Variants in CMTM4 observed in about 807,000 individuals in gnomAD.
The protein encoded by CMTM4 is CKLF like MARVEL transmembrane domain containing 4, also known as CKLF-like MARVEL transmembrane domain-containing protein 4.
In CMTM4, 8 loss-of-function variants were observed where a neutral mutation model predicts 19.0. The ratio of observed to expected loss-of-function variants is 0.42; its 90% CI spans 0.25 to 0.76. The LOEUF (loss-of-function observed/expected upper bound fraction) is 0.76, where lower values mean the gene tolerates loss of function less well. CMTM4 is among the 30% of genes least tolerant of loss of function. The pLI, the probability that CMTM4 is intolerant of heterozygous loss-of-function variation, is 0.27. For synonymous variants in CMTM4, 106 were observed against 121.1 expected (o/e 0.88, Z 0.82); for missense variants, 228 against 290.2 (o/e 0.79, Z 1.56).
the CMTM4 span, among the ~76,000 whole-genome samples, chr16:66,600,151 T>TTTTTTTTTTTTTA: frequency 6.7e-6 from 1 of 148,596 alleles, no homozygotes; most frequent in Admixed American, 6.7e-5. Context: ...TTTTTGTTTT[T>TTTTTTTTTTTTTA]TTTTTTTTTG....
the CMTM4 span, chr16:66,608,357 G>T: frequency 6.2e-7 from 1 of 1,614,190 alleles, no homozygotes; most frequent in Non-Finnish European, 8.5e-7. The surrounding 1 kb of genome is among the most constrained non-coding windows in gnomAD (Gnocchi z 5.1). Flanking sequence ...CTCAGCATCT[G>T]CCTTCCTCAC....
At position 66,619,989 on chromosome 16, in the gene CMTM4, G is replaced by GC. The variant is rs1157861298; in HGVS notation, c.*2068dup. Reference sequence around the variant, plus strand: ...CATATCCTCAGGAGGCCAACCACCTGCCCCCCTCTTTCACCAGATGATCAA... The same window carrying GC: ...CATATCCTCAGGAGGCCAACCACCTGCCCCCCCTCTTTCACCAGATGATCAA... On this transcript the variant is annotated 3_prime_UTR_variant, in exon 4 of 4. Transcript: ENST00000394106. 5.1e-6 allele frequency: 5 copies of GC among 985,368 alleles called. No homozygotes were observed. Among genetic ancestry groups the GC allele is most frequent in the Non-Finnish European group, 6.0e-6 (5 of 829,918 alleles). The allele number at this position is 985,368 out of a possible 1,614,324, so 61.0% of individuals were successfully genotyped here. A position where few individuals can be genotyped will look rare whatever the true frequency, so the allele number is the denominator to read the frequency against.
chr16:66,683,181 G>A (rs9933454), intron 1 of CMTM4, among the ~76,000 whole-genome samples: 113,321 of 124,206 alleles, frequency 0.91, 51,451 homozygotes, highest in Non-Finnish European at 0.94. Flanking sequence ...ATATACATAT[G>A]TATATATATA....
chr16:66,678,152 G>A (rs1219819527), intron 1 of CMTM4, among the ~76,000 whole-genome samples: 3 of 152,074 alleles, frequency 2.0e-5, no homozygotes, highest in Non-Finnish European at 4.4e-5. Flanking sequence ...CTCTAGCTTG[G>A]GCAACACAGT....
chr16:66,677,145 A>C (rs1340516905), intron 1 of CMTM4, among the ~76,000 whole-genome samples: 2 of 152,236 alleles, frequency 1.3e-5, no homozygotes, highest in African/African-American at 4.8e-5. Flanking sequence ...CTGAGGGTCT[A>C]GGACCACTTG....
chr16:66,606,699 G>A, the CMTM4 span, among the ~76,000 whole-genome samples: 1 of 152,146 alleles, frequency 6.6e-6, no homozygotes, highest in East Asian at 1.9e-4. Flanking sequence ...AGTTGCTTAA[G>A]AACTCTACCT....
chr16:66,694,451 T>C (rs1021218549), intron 1 of CMTM4, among the ~76,000 whole-genome samples: 3 of 152,086 alleles, frequency 2.0e-5, no homozygotes, highest in Non-Finnish European at 4.4e-5. Context: ...GGCTCACGCT[T>C]GTAATCCCAG....
At chr16:66,638,190 T>C (rs560862167) in intron 1 of CMTM4, among the ~76,000 whole-genome samples, 3 of 152,316 alleles carry the variant, frequency 2.0e-5, no homozygotes, top group African/African-American at 7.2e-5. Flanking sequence ...TCTTGCAGCC[T>C]CTGCCTCCGG....
At chr16:66,643,404 C>A (rs919701636) in intron 1 of CMTM4, among the ~76,000 whole-genome samples, 2 of 152,164 alleles carry the variant, frequency 1.3e-5, no homozygotes, top group Non-Finnish European at 2.9e-5. Context: ...GGAACAGACC[C>A]CAAACTTCAT....
downstream of CMTM4, among the ~76,000 whole-genome samples, chr16:66,611,831 A>C (rs969145793): frequency 6.6e-6 from 1 of 152,192 alleles, no homozygotes; most frequent in Non-Finnish European, 1.5e-5. Context: ...TTACAATATT[A>C]AACAAGGATT....
chr16:66,603,260 T>C, the CMTM4 span, among the ~76,000 whole-genome samples: 1 of 152,098 alleles, frequency 6.6e-6, no homozygotes, highest in Non-Finnish European at 1.5e-5. Flanking sequence ...CTTTGTGTCC[T>C]TATGTGGTTG....
At chr16:66,690,765 T>G (rs1444203240) in intron 1 of CMTM4, among the ~76,000 whole-genome samples, 1 of 152,188 alleles carries the variant, frequency 6.6e-6, no homozygotes, top group African/African-American at 2.4e-5. Flanking sequence ...GAACCCAGAT[T>G]CGATGAGATT....
intron 1 of CMTM4, among the ~76,000 whole-genome samples, chr16:66,684,141 T>G (rs1477729555): frequency 6.6e-6 from 1 of 152,116 alleles, no homozygotes; most frequent in African/African-American, 2.4e-5. Flanking sequence ...GTTTAGAGTA[T>G]AGACTGTTTG....
chr16:66,631,992 G>A (rs1018739147), intron 2 of CMTM4, among the ~76,000 whole-genome samples: 4 of 152,120 alleles, frequency 2.6e-5, no homozygotes, highest in African/African-American at 9.7e-5. Flanking sequence ...TAGGGCTCAG[G>A]GCTCAGCCAG....
Position 66,621,756 on chromosome 16 carries a change from A to G in CMTM4, c.*302T>C. The G allele has an allele frequency of 1.7e-6, 2 of 1,198,500 alleles. No homozygotes were observed. The highest frequency in any genetic ancestry group is 2.1e-6 in the Non-Finnish European group (2 of 958,114). The allele number at this position is 1,198,500 out of a possible 1,614,324, so 74.2% of individuals were successfully genotyped here. ...CATTTAATCCAAAGTCTTGTTACAA[A>G]TACACACGACAAGGTGGCTCAGAGT... is the stretch of plus-strand genomic sequence containing the variant. On this transcript the variant is annotated 3_prime_UTR_variant, in exon 4 of 4. Coordinates refer to ENST00000394106, the MANE Select transcript of CMTM4 (RefSeq NM_181521.3).
At chr16:66,633,772 C>T (rs140229225) in intron 2 of CMTM4, among the ~76,000 whole-genome samples, 3 of 150,618 alleles carry the variant, frequency 2.0e-5, no homozygotes, top group Admixed American at 1.3e-4. Context: ...GAGCCGAGAT[C>T]GCACCACTGC....
intron 2 of CMTM4, among the ~76,000 whole-genome samples, chr16:66,633,164 T>C (rs1243629380): frequency 6.8e-6 from 1 of 146,792 alleles, no homozygotes; most frequent in African/African-American, 2.6e-5. Flanking sequence ...CCACAATCCA[T>C]CCAAAAATAA....
chr16:66,683,161 G>GTACATATATATATACA (rs2016956323), intron 1 of CMTM4, among the ~76,000 whole-genome samples: 1 of 81,504 alleles, frequency 1.2e-5, no homozygotes, highest in African/African-American at 4.5e-5. Context: ...ATATATATAC[G>GTACATATATATATACA]TATATATATA....
At position 66,675,457 on chromosome 16, in the gene CMTM4, T is replaced by TAA. The variant is rs35189676; in HGVS notation, c.186+20881_186+20882dup. Among the ~76,000 whole-genome samples, 525 of 115,196 alleles carry TAA rather than the reference T, an allele frequency of 4.6e-3. 6 individuals carry two copies. Among genetic ancestry groups the TAA allele is most frequent in the South Asian group, 0.045 (159 of 3,552 alleles). The allele number at this position is 115,196 out of a possible 152,430, so 75.6% of individuals were successfully genotyped here. On this transcript the variant is annotated intron_variant, in intron 1 of 3. Transcript: ENST00000394106. Reference sequence around the variant, plus strand: ...CACAATGGTAGACTTTATTATTCATTAAAAAAAAAAAAAAAAAAAACCTGC... The same window carrying TAA: ...CACAATGGTAGACTTTATTATTCATTAAAAAAAAAAAAAAAAAAAAAACCTGC...
Sources: allele counts gnomAD v4.1 joint callset (sites outside exome capture counted in the v4.1 genomes callset), GRCh38; gene constraint gnomAD v4.1.1; non-coding constraint Gnocchi (gnomAD v3.1); transcripts MANE v1.5; gene names NCBI Gene and HGNC (gene_info 2026-07-23, HGNC 2026-07-21).